The following CELF2 variants were observed in gnomAD, a reference collection of about 807,000 sequenced individuals.
The protein encoded by CELF2 is CUGBP Elav-like family member 2.
In CELF2, 8 loss-of-function variants were observed where a neutral mutation model predicts 62.6. The observed-to-expected ratio is 0.13, with a 90% CI of 0.07 to 0.23. The LOEUF (loss-of-function observed/expected upper bound fraction) is 0.23, where lower values mean the gene tolerates loss of function less well. CELF2 is among the 10% of genes least tolerant of loss of function. The probability of loss-of-function intolerance (pLI) is 1.00; values close to 1 mark genes in which losing one functional copy is unlikely to be tolerated. For missense variants in CELF2, 333 were observed against 671.0 expected (o/e 0.50, Z 5.56); for synonymous variants, 258 against 250.0 (o/e 1.03, Z -0.30).
chr10:11,006,614 C>A (rs2055317087), intron 1 of CELF2, among the ~76,000 whole-genome samples: 1 of 152,180 alleles, frequency 6.6e-6, no homozygotes, highest in Non-Finnish European at 1.5e-5. Flanking sequence ...GAGGAATATT[C>A]TTGATGTTTA....
the CELF2 span, among the ~76,000 whole-genome samples, chr10:10,623,323 T>C: frequency 2.0e-5 from 3 of 152,092 alleles, no homozygotes; most frequent in African/African-American, 7.2e-5. Context: ...GCTCCATAGT[T>C]TACTAAAAGT....
At chr10:11,299,837 C>T (rs1178850094) in intron 9 of CELF2, among the ~76,000 whole-genome samples, 4 of 152,038 alleles carry the variant, frequency 2.6e-5, no homozygotes, top group Non-Finnish European at 2.9e-5. Flanking sequence ...GGTCCTTCTC[C>T]GGGCCATCTG....
intron 1 of CELF2, among the ~76,000 whole-genome samples, chr10:11,036,737 GT>G (rs2061013536): frequency 6.6e-6 from 1 of 152,220 alleles, no homozygotes. Flanking sequence ...CCCGCTGGGG[GT>G]TTACAGATAG....
intron 1 of CELF2, among the ~76,000 whole-genome samples, chr10:11,107,850 T>C (rs1479734455): frequency 1.0e-5 from 1 of 96,104 alleles, no homozygotes; most frequent in Admixed American, 1.0e-4. Flanking sequence ...CCCCTATTTC[T>C]CCCCATCCCT....
the CELF2 span, among the ~76,000 whole-genome samples, chr10:10,742,374 A>T: frequency 6.6e-6 from 1 of 152,134 alleles, no homozygotes; most frequent in Non-Finnish European, 1.5e-5. Context: ...CATGCCTATT[A>T]TCCCAGCATT....
At chr10:10,837,997 T>C in intron 1 of CELF2, among the ~76,000 whole-genome samples, 1 of 152,156 alleles carries the variant, frequency 6.6e-6, no homozygotes, top group South Asian at 2.1e-4. Flanking sequence ...CTGTACAGTA[T>C]TCTGTTTTCC....
At chr10:11,180,301 G>A (rs75819408) in intron 2 of CELF2, among the ~76,000 whole-genome samples, 2,060 of 152,232 alleles carry the variant, frequency 0.014, 49 homozygotes, top group African/African-American at 0.047. Context: ...GGTGGTGGTC[G>A]AGAACAGGGC....
chr10:10,902,499 A>T (rs560243599), intron 1 of CELF2, among the ~76,000 whole-genome samples: 53 of 152,358 alleles, frequency 3.5e-4, no homozygotes, highest in African/African-American at 1.2e-3. Context: ...GGCCAAAAAC[A>T]TGGATACATA....
At chr10:11,249,882 C>A (rs1565547555) in intron 4 of CELF2, among the ~76,000 whole-genome samples, 1 of 152,102 alleles carries the variant, frequency 6.6e-6, no homozygotes, top group Admixed American at 6.6e-5. Context: ...CTTTTTTGTA[C>A]TTTTAATTTA....
intron 8 of CELF2, among the ~76,000 whole-genome samples, chr10:11,277,054 A>T (rs981217766): frequency 1.4e-4 from 21 of 152,350 alleles, no homozygotes; most frequent in African/African-American, 4.8e-4. Flanking sequence ...CCCTACCATC[A>T]TCTGGAGTAT....
chr10:11,141,621 C>T (rs1422760217), intron 1 of CELF2, among the ~76,000 whole-genome samples: 1 of 152,192 alleles, frequency 6.6e-6, no homozygotes, highest in East Asian at 1.9e-4. Flanking sequence ...AATACAAAAG[C>T]AACAGTCCTC....
the CELF2 span, among the ~76,000 whole-genome samples, chr10:10,772,894 G>A: frequency 1.3e-5 from 2 of 152,128 alleles, no homozygotes; most frequent in Non-Finnish European, 2.9e-5. Context: ...AATACCATGG[G>A]AGTCATAAAA....
intron 1 of CELF2, among the ~76,000 whole-genome samples, chr10:10,907,686 T>C (rs1476812352): frequency 6.6e-6 from 1 of 152,132 alleles, no homozygotes; most frequent in Non-Finnish European, 1.5e-5. Flanking sequence ...TATAGAGATG[T>C]AATTGTCATC....
chr10:10,670,674 A>G, the CELF2 span, among the ~76,000 whole-genome samples: 1 of 152,216 alleles, frequency 6.6e-6, no homozygotes, highest in Admixed American at 6.5e-5. Flanking sequence ...GGACACATGT[A>G]TAATGACATG....
At chr10:10,568,205 G>A in the CELF2 span, among the ~76,000 whole-genome samples, 1 of 152,080 alleles carries the variant, frequency 6.6e-6, no homozygotes, top group Non-Finnish European at 1.5e-5. Flanking sequence ...TTGAAAGCAT[G>A]GGATGGTAAC....
In CELF2 at chr10:11,177,551, C is replaced by G. The variant is rs147057662; in HGVS notation, c.271+11869C>G. On this transcript the variant is annotated intron_variant, in intron 2 of 12. Coordinates refer to ENST00000633077, the MANE Select transcript of CELF2 (RefSeq NM_001326342.2). The surrounding 1 kb of genome is among the most constrained non-coding windows in gnomAD (Gnocchi z 4.8). ...ACTTCCCTGCAGTGCTGGAAATGGA[C>G]TTTTCCTTTGCATTTCCATGAGTCA... Among the ~76,000 whole-genome samples the G allele has an allele frequency of 5.4e-3, 822 of 152,214 alleles. 23 individuals carry two copies. Among genetic ancestry groups the G allele is most frequent in the Admixed American group, 0.048 (727 of 15,296 alleles).
At chr10:10,659,726 G>A in the CELF2 span, among the ~76,000 whole-genome samples, 1,728 of 152,240 alleles carry the variant, frequency 0.011, 39 homozygotes, top group African/African-American at 0.039. Flanking sequence ...TAGTGCCTTC[G>A]GTTCCAGCTC....
intron 1 of CELF2, among the ~76,000 whole-genome samples, chr10:10,852,148 GT>G (rs1224823028): frequency 5.9e-5 from 9 of 152,198 alleles, no homozygotes; most frequent in African/African-American, 2.2e-4. Flanking sequence ...TATGTATATA[GT>G]ATATCCATAG....
At chr10:10,518,063 G>T in the CELF2 span, among the ~76,000 whole-genome samples, 1 of 152,126 alleles carries the variant, frequency 6.6e-6, no homozygotes, top group Non-Finnish European at 1.5e-5. Context: ...CTGTCTGAAC[G>T]TCTCATTCAG....
Sources: allele counts gnomAD v4.1 joint callset (sites outside exome capture counted in the v4.1 genomes callset), GRCh38; gene constraint gnomAD v4.1.1; non-coding constraint Gnocchi (gnomAD v3.1); transcripts MANE v1.5; gene names NCBI Gene and HGNC (gene_info 2026-07-23, HGNC 2026-07-21).